NBAS: variants seen among roughly 807,000 people sequenced by gnomAD.
NBAS encodes the protein NBAS subunit of NRZ tethering complex.
Under a neutral mutation model 302.5 loss-of-function variants are expected in NBAS, and 219 were observed. The ratio of observed to expected loss-of-function variants is 0.72; its 90% CI spans 0.65 to 0.81. The LOEUF (loss-of-function observed/expected upper bound fraction) is 0.81. Among genes scored for constraint, NBAS ranks in the 30% least tolerant of loss-of-function variants. The probability of loss-of-function intolerance (pLI) is 0.00; values close to 1 mark genes in which losing one functional copy is unlikely to be tolerated. For synonymous variants in NBAS, 1,118 were observed against 1,021.6 expected (o/e 1.09, Z -1.80); for missense variants, 2,932 against 2,841.6 (o/e 1.03, Z -0.72).
chr2:15,067,938 TAA>T, the NBAS span, among the ~76,000 whole-genome samples: 4 of 152,106 alleles, frequency 2.6e-5, no homozygotes, highest in Non-Finnish European at 4.4e-5. Context: ...AATACATAAC[TAA>T]AAGAGTTTCA....
chr2:15,459,726 A>G (rs6704702), intron 21 of NBAS, among the ~76,000 whole-genome samples: 96,720 of 151,860 alleles, frequency 0.64, 31,544 homozygotes, highest in Middle Eastern at 0.68. Context: ...TGATCCACCC[A>G]CCTCGGCCTC....
At chr2:15,093,813 T>C in the NBAS span, among the ~76,000 whole-genome samples, 1 of 151,574 alleles carries the variant, frequency 6.6e-6, no homozygotes, top group African/African-American at 2.4e-5. Flanking sequence ...AGCCTGGCTA[T>C]TTTTTTAAGC....
chr2:15,488,844 G>A (rs757814145), intron 12 of NBAS, 50 bp downstream of exon 12: 2 of 1,605,046 alleles, frequency 1.2e-6, no homozygotes, highest in Non-Finnish European at 1.7e-6. Flanking sequence ...AATTAGTATT[G>A]TCAATACTCA....
chr2:15,392,240 T>C (rs1675644580), intron 28 of NBAS, among the ~76,000 whole-genome samples: 1 of 151,480 alleles, frequency 6.6e-6, no homozygotes, highest in South Asian at 2.1e-4. Flanking sequence ...AAAAGTAAAT[T>C]ATATGACAAC....
intron 38 of NBAS, among the ~76,000 whole-genome samples, chr2:15,321,088 C>A (rs1236375465): frequency 6.6e-6 from 1 of 152,158 alleles, no homozygotes; most frequent in African/African-American, 2.4e-5. Context: ...AGAAATAACA[C>A]CACACATCTA....
chr2:15,303,913 C>T (rs62119497), intron 40 of NBAS, among the ~76,000 whole-genome samples: 4,882 of 152,230 alleles, frequency 0.032, 124 homozygotes, highest in Non-Finnish European at 0.046. Flanking sequence ...CCAGTCTAAT[C>T]CACATTTACT....
rs944005605 is a variant in NBAS, at chr2:15,301,411, G to A, written c.4797+6805C>T. Among the ~76,000 whole-genome samples the A allele has an allele frequency of 2.6e-5, 4 of 152,156 alleles. No homozygotes were observed. The South Asian group carries it at 6.2e-4, about 24-fold the overall frequency. Reference sequence around the variant, plus strand: ...CAGCTGTTTAGAAAAATCCCACACCGTGTTCTGCTCTGCTCTCACACCACA... The same window carrying A: ...CAGCTGTTTAGAAAAATCCCACACCATGTTCTGCTCTGCTCTCACACCACA... On this transcript the variant is annotated intron_variant, in intron 40 of 51. Coordinates refer to ENST00000281513, the MANE Select transcript of NBAS (RefSeq NM_015909.4).
the NBAS span, among the ~76,000 whole-genome samples, chr2:14,986,897 G>A: frequency 6.6e-6 from 1 of 152,058 alleles, no homozygotes; most frequent in Non-Finnish European, 1.5e-5. Context: ...AGGAAAAAAT[G>A]TAATAGGCAG....
the NBAS span, among the ~76,000 whole-genome samples, chr2:14,803,642 G>T: frequency 1.5e-4 from 23 of 151,180 alleles, no homozygotes; most frequent in Middle Eastern, 6.8e-3. Flanking sequence ...TTTTGTTGTT[G>T]TTTGTTTGTT....
chr2:14,836,487 C>A, the NBAS span, among the ~76,000 whole-genome samples: 2 of 151,766 alleles, frequency 1.3e-5, no homozygotes, highest in Admixed American at 6.6e-5. Flanking sequence ...TAGCAAGTTT[C>A]TTTTCTCCCA....
the NBAS span, among the ~76,000 whole-genome samples, chr2:14,825,488 A>G: frequency 6.6e-6 from 1 of 152,154 alleles, no homozygotes; most frequent in African/African-American, 2.4e-5. Flanking sequence ...ATTTGCTATA[A>G]TCATTAACTA....
intron 9 of NBAS, among the ~76,000 whole-genome samples, chr2:15,532,296 TG>T (rs2148676758): frequency 6.6e-6 from 1 of 151,920 alleles, no homozygotes; most frequent in East Asian, 1.9e-4. Flanking sequence ...GAAACCATCC[TG>T]GCTAACATGG....
At chr2:14,785,343 C>G in the NBAS span, among the ~76,000 whole-genome samples, 1 of 151,502 alleles carries the variant, frequency 6.6e-6, no homozygotes, top group Admixed American at 6.6e-5. Context: ...CTGGCCAGAA[C>G]TTCCAACACT....
the NBAS span, among the ~76,000 whole-genome samples, chr2:14,897,762 G>A: frequency 6.6e-6 from 1 of 152,110 alleles, no homozygotes; most frequent in Non-Finnish European, 1.5e-5. Flanking sequence ...CCTCAGAAGG[G>A]ATCTTTCCAT....
At chr2:14,876,835 C>G in the NBAS span, among the ~76,000 whole-genome samples, 1 of 152,366 alleles carries the variant, frequency 6.6e-6, no homozygotes, top group East Asian at 1.9e-4. Context: ...CTGACTCCAG[C>G]CTTGCTATTC....
At chr2:14,826,513 C>T in the NBAS span, among the ~76,000 whole-genome samples, 2 of 152,274 alleles carry the variant, frequency 1.3e-5, no homozygotes, top group East Asian at 1.9e-4. Flanking sequence ...AAATTCAGTT[C>T]GTAGATGTGG....
chr2:15,393,602 G>T, intron 28 of NBAS: 1 of 335,222 alleles, frequency 3.0e-6, no homozygotes, highest in Non-Finnish European at 6.1e-6. Context: ...TTAGGTATTT[G>T]TCTGAGAGAA....
chr2:15,348,252 G>C (rs1673185217), intron 35 of NBAS, among the ~76,000 whole-genome samples: 1 of 152,086 alleles, frequency 6.6e-6, no homozygotes, highest in South Asian at 2.1e-4. Flanking sequence ...TTGCTGAAAG[G>C]GGACAAAGGC....
the NBAS span, among the ~76,000 whole-genome samples, chr2:14,981,910 T>C: frequency 6.6e-6 from 1 of 152,186 alleles, no homozygotes; most frequent in South Asian, 2.1e-4. Context: ...AACTAGTTCT[T>C]CCCTCCCTCT....
Sources: gnomAD v4.1 joint callset for allele counts (sites outside exome capture counted in the v4.1 genomes callset) on GRCh38, gnomAD v4.1.1 for gene constraint, MANE v1.5 for transcripts, NCBI Gene and HGNC (gene_info 2026-07-23, HGNC 2026-07-21) for gene names.